UNC5C: variants seen among roughly 807,000 people sequenced by gnomAD.
UNC5C encodes netrin receptor UNC5C.
A neutral mutation model predicts 99.8 loss-of-function variants in UNC5C; 47 were observed. The ratio of observed to expected loss-of-function variants is 0.47; its 90% confidence interval spans 0.37 to 0.60. The LOEUF is 0.60. Among genes scored for constraint, UNC5C ranks in the 20% least tolerant of loss-of-function variants. UNC5C has a pLI of 0.00. For synonymous variants in UNC5C, 487 were observed against 452.2 expected (o/e 1.08, Z -0.98); for missense variants, 1,062 against 1,165.9 (o/e 0.91, Z 1.30).
intron 7 of UNC5C, among the ~76,000 whole-genome samples, chr4:95,233,497 T>A (rs1231544049): frequency 6.6e-6 from 1 of 151,164 alleles, no homozygotes; most frequent in East Asian, 2.0e-4. Flanking sequence ...TTGATAAATA[T>A]ATATATAAAT....
intron 2 of UNC5C, among the ~76,000 whole-genome samples, chr4:95,317,708 G>C (rs1052124725): frequency 6.6e-6 from 1 of 152,208 alleles, no homozygotes; most frequent in East Asian, 1.9e-4. Flanking sequence ...ACTGGGGGAG[G>C]CCTCAGAAAG....
At chr4:95,304,166 A>T (rs1741974159) in intron 2 of UNC5C, among the ~76,000 whole-genome samples, 2 of 152,286 alleles carry the variant, frequency 1.3e-5, no homozygotes, top group South Asian at 4.1e-4. Context: ...TGGGTTTTAT[A>T]ATCCCAAGGC....
At chr4:95,380,657 G>A (rs184639240) in intron 1 of UNC5C, among the ~76,000 whole-genome samples, 103 of 152,084 alleles carry the variant, frequency 6.8e-4, no homozygotes, top group Middle Eastern at 6.8e-3. Flanking sequence ...AAAACCCTGC[G>A]AACTAAATCC....
intron 1 of UNC5C, among the ~76,000 whole-genome samples, chr4:95,504,364 C>T (rs1721857298): frequency 6.6e-6 from 1 of 152,116 alleles, no homozygotes; most frequent in African/African-American, 2.4e-5. Context: ...CTTTAACTTT[C>T]TGTCTTCAAA....
At chr4:95,209,015 A>G (rs1737979280) in intron 10 of UNC5C, among the ~76,000 whole-genome samples, 1 of 152,200 alleles carries the variant, frequency 6.6e-6, no homozygotes, top group Non-Finnish European at 1.5e-5. Flanking sequence ...TATAGCAATT[A>G]CCTTGAAAGA....
chr4:95,540,463 G>A (rs1019953588), intron 1 of UNC5C, among the ~76,000 whole-genome samples: 3 of 152,154 alleles, frequency 2.0e-5, no homozygotes, highest in African/African-American at 7.2e-5. Context: ...GGCGGGGAAT[G>A]TCTGAGCCTC....
chr4:95,360,221 C>T (rs922431344), intron 1 of UNC5C, among the ~76,000 whole-genome samples: 2 of 152,092 alleles, frequency 1.3e-5, no homozygotes, highest in Non-Finnish European at 2.9e-5. Context: ...ATGACATGTT[C>T]TTATTATTCT....
intron 1 of UNC5C, among the ~76,000 whole-genome samples, chr4:95,478,270 G>A (rs1188421119): frequency 1.3e-5 from 2 of 151,854 alleles, no homozygotes; most frequent in Non-Finnish European, 1.5e-5. Flanking sequence ...AACCTTCTGT[G>A]TGCCTCGGTT....
intron 1 of UNC5C, among the ~76,000 whole-genome samples, chr4:95,350,961 C>T (rs1743966428): frequency 6.6e-6 from 1 of 151,958 alleles, no homozygotes; most frequent in African/African-American, 2.4e-5. Context: ...AGTTGAAAGG[C>T]CTTAAAATCA....
At chr4:95,418,558 TATA>T (rs1212265876) in intron 1 of UNC5C, among the ~76,000 whole-genome samples, 1 of 152,178 alleles carries the variant, frequency 6.6e-6, no homozygotes, top group Non-Finnish European at 1.5e-5. Context: ...GGTTGAGAAG[TATA>T]ATATTTATAG....
At chr4:95,512,059 T>C (rs1722090384) in intron 1 of UNC5C, among the ~76,000 whole-genome samples, 2 of 151,938 alleles carry the variant, frequency 1.3e-5, no homozygotes, top group Non-Finnish European at 2.9e-5. Flanking sequence ...AAGTGGAATA[T>C]GGAAATGAAA....
chr4:95,381,909 G>T (rs1189739439), intron 1 of UNC5C, among the ~76,000 whole-genome samples: 1 of 152,148 alleles, frequency 6.6e-6, no homozygotes, highest in Non-Finnish European at 1.5e-5. Context: ...GCAGGTATAG[G>T]TGTGTGTATG....
At chr4:95,353,291 T>C (rs1744053489) in intron 1 of UNC5C, among the ~76,000 whole-genome samples, 1 of 152,150 alleles carries the variant, frequency 6.6e-6, no homozygotes, top group African/African-American at 2.4e-5. Context: ...CATCTAAAAG[T>C]GATGACTTGT....
chr4:95,283,694 A>G (rs1354471487), intron 3 of UNC5C, among the ~76,000 whole-genome samples: 2 of 152,268 alleles, frequency 1.3e-5, no homozygotes, highest in East Asian at 3.8e-4. Flanking sequence ...AGAATGGTTC[A>G]GAATAATGTG....
At position 95,455,696 on chromosome 4, in the gene UNC5C, T is replaced by G. The variant is rs2149468972; in HGVS notation, c.124+93038A>C. Among the ~76,000 whole-genome samples, 2 of 152,114 alleles carry G rather than the reference T, an allele frequency of 1.3e-5. 1 individual carries two copies. The highest frequency in any genetic ancestry group is 2.9e-5 in the Non-Finnish European group (2 of 67,956). On this transcript the variant is annotated intron_variant, in intron 1 of 15. Transcript: ENST00000453304. ...TCCTTATTCTGATTCTGAGCAACCTTTATTACTTATTTTTCCATGTGCATC... is the reference window on the plus strand; with the variant it reads ...TCCTTATTCTGATTCTGAGCAACCTGTATTACTTATTTTTCCATGTGCATC...
At chr4:95,207,556 A>T (rs1406036576) in intron 10 of UNC5C, among the ~76,000 whole-genome samples, 1 of 152,184 alleles carries the variant, frequency 6.6e-6, no homozygotes, top group Non-Finnish European at 1.5e-5. Context: ...TATAGTTCCA[A>T]AGGTATTGAG....
intron 1 of UNC5C, among the ~76,000 whole-genome samples, chr4:95,363,120 A>G (rs1056637494): frequency 1.3e-5 from 2 of 152,098 alleles, no homozygotes; most frequent in Non-Finnish European, 2.9e-5. Flanking sequence ...TTCAATCACC[A>G]TAACGGTTCT....
At chr4:95,418,941 G>C (rs1332818742) in intron 1 of UNC5C, among the ~76,000 whole-genome samples, 1 of 151,946 alleles carries the variant, frequency 6.6e-6, no homozygotes, top group Non-Finnish European at 1.5e-5. Context: ...ATGTTTTCCT[G>C]GTGCTCACTT....
At chr4:95,210,384 A>G (rs1738036120) in intron 10 of UNC5C, among the ~76,000 whole-genome samples, 2 of 152,214 alleles carry the variant, frequency 1.3e-5, no homozygotes, top group Admixed American at 6.5e-5. Context: ...ATCTGAGCAT[A>G]TATGTAAGGA....
Sources: allele counts gnomAD v4.1 joint callset (sites outside exome capture counted in the v4.1 genomes callset), GRCh38; gene constraint gnomAD v4.1.1; transcripts MANE v1.5; gene names NCBI Gene and HGNC (gene_info 2026-07-23, HGNC 2026-07-21).